ACTL6A: variants seen among roughly 807,000 people sequenced by gnomAD.
ACTL6A encodes actin like 6A.
ACTL6A carries 5 observed loss-of-function variants against 59.2 expected under a neutral mutation model. The observed-to-expected ratio is 0.08, with a 90% CI of 0.04 to 0.18. The LOEUF is 0.18. Among genes scored for constraint, ACTL6A ranks in the 10% least tolerant of loss-of-function variants. The pLI, the probability that ACTL6A is intolerant of heterozygous loss-of-function variation, is 1.00. For synonymous variants in ACTL6A, 154 were observed against 171.8 expected (o/e 0.90, Z 0.81); for missense variants, 285 against 526.9 (o/e 0.54, Z 4.49).
In ACTL6A at chr3:179,563,081, C is replaced by G. The variant is rs1717712646; in HGVS notation, c.-12C>G. 3 of 1,611,384 alleles carry G rather than the reference C, an allele frequency of 1.9e-6. No homozygotes were observed. Among genetic ancestry groups the G allele is most frequent in the East Asian group, 2.2e-5 (1 of 44,838 alleles). On this transcript the variant is annotated 5_prime_UTR_variant, in exon 1 of 14. Coordinates refer to ENST00000429709, the MANE Select transcript of ACTL6A (RefSeq NM_004301.5). The stretch of plus-strand genomic sequence containing the variant: ...GTTAGCCCTTAGGGTAGGAGTCGCG[C>G]CGGCAGCAGCCATGAGCGGCGGCGT...
At chr3:179,564,472 G>A (rs1489619375) in intron 1 of ACTL6A, among the ~76,000 whole-genome samples, 6 of 152,146 alleles carry the variant, frequency 3.9e-5, no homozygotes, top group Non-Finnish European at 7.3e-5. Context: ...TGCATCCTAG[G>A]TTTTAAACAT....
intron 5 of ACTL6A, chr3:179,575,540 T>C (rs932397604): frequency 1.2e-5 from 5 of 433,164 alleles, no homozygotes; most frequent in South Asian, 3.3e-5. Context: ...TCCCTCCTTA[T>C]TAAGCACCAG....
chr3:179,586,726 G>A (rs61086485), intron 13 of ACTL6A, 94 bp downstream of exon 13: 90,203 of 1,055,082 alleles, frequency 0.085, 4,399 homozygotes, highest in South Asian at 0.16. Flanking sequence ...TCATTTGTCT[G>A]TGCATTTTAT....
At chr3:179,566,728 C>T (rs1717847099) in intron 1 of ACTL6A, among the ~76,000 whole-genome samples, 1 of 152,142 alleles carries the variant, frequency 6.6e-6, no homozygotes, top group Non-Finnish European at 1.5e-5. Context: ...CTTGCTCTGT[C>T]ACCCAGGCTG....
rs377337463 is a variant in ACTL6A at position 179,570,048 on chromosome 3, A to G, written c.103-19A>G. 51 of 1,608,250 alleles carry G rather than the reference A, an allele frequency of 3.2e-5. No homozygotes were observed. The African/African-American group carries it at 5.9e-4, about 19-fold the overall frequency. On this transcript the variant is annotated intron_variant, in intron 2 of 13. Coordinates refer to ENST00000429709, the MANE Select transcript of ACTL6A (RefSeq NM_004301.5). The surrounding 1 kb of genome is among the most constrained non-coding windows in gnomAD (Gnocchi z 4.3). ...TGATGAAAGGTGAAACTTGTATGTCATGTTTCTGACTCTTACAGGTGGATT... is the reference window on the plus strand; with the variant it reads ...TGATGAAAGGTGAAACTTGTATGTCGTGTTTCTGACTCTTACAGGTGGATT...
chr3:179,566,292 C>G (rs923089167), intron 1 of ACTL6A, among the ~76,000 whole-genome samples: 2 of 152,098 alleles, frequency 1.3e-5, no homozygotes, highest in East Asian at 3.9e-4. Flanking sequence ...GAAGTTGAAG[C>G]TATAGGAGTA....
intron 8 of ACTL6A, among the ~76,000 whole-genome samples, chr3:179,579,385 T>A (rs887943429): frequency 6.6e-6 from 1 of 152,050 alleles, no homozygotes; most frequent in African/African-American, 2.4e-5. Flanking sequence ...TAAAATTATA[T>A]GAGTCATAAT....
At chr3:179,576,555 G>A (rs972542969) in intron 6 of ACTL6A, 65 bp from the exon 7 acceptor site, 49 of 1,251,662 alleles carry the variant, frequency 3.9e-5, no homozygotes, top group Non-Finnish European at 5.6e-5. Context: ...TACACCCACA[G>A]AGGAAATTCG....
chr3:179,587,927 C>T lies in ACTL6A; in HGVS notation c.1210-3C>T. 1 of 1,594,910 alleles carries T rather than the reference C, an allele frequency of 6.3e-7. No homozygotes were observed. The highest frequency in any genetic ancestry group is 8.5e-7 in the Non-Finnish European group (1 of 1,174,898). ...ATTATATAAATTTCTTTCCATTTTA[C>T]AGGGTACCTTTCAACAGATGTGGAT... On this transcript the variant is annotated splice_polypyrimidine_tract_variant and splice_region_variant and intron_variant, in intron 13 of 13. Coordinates refer to ENST00000429709, the MANE Select transcript of ACTL6A (RefSeq NM_004301.5).
At chr3:179,583,269 G>C in intron 11 of ACTL6A, 84 bp from the exon 12 acceptor site, 1 of 1,050,958 alleles carries the variant, frequency 9.5e-7, no homozygotes, top group African/African-American at 1.6e-5. Flanking sequence ...AATTGTAGTA[G>C]AGCACATGGT....
At chr3:179,581,032 A>G (rs1400075871) in intron 10 of ACTL6A, 24 bp downstream of exon 10, 7 of 1,597,196 alleles carry the variant, frequency 4.4e-6, no homozygotes, top group Non-Finnish European at 6.0e-6. Flanking sequence ...TTTCATAATT[A>G]GCCTGGCTTT....
At chr3:179,573,562 T>A (rs1315552866) in intron 4 of ACTL6A, 93 bp downstream of exon 4, 1 of 888,512 alleles carries the variant, frequency 1.1e-6, no homozygotes, top group Non-Finnish European at 1.7e-6. Flanking sequence ...GATGAACATT[T>A]TTCTTTAAAG....
intron 3 of ACTL6A, among the ~76,000 whole-genome samples, chr3:179,572,218 A>G (rs1480391272): frequency 6.6e-6 from 1 of 152,172 alleles, no homozygotes; most frequent in Non-Finnish European, 1.5e-5. Flanking sequence ...GGAGAAAGAA[A>G]GGGAACAATT....
chr3:179,566,098 G>A (rs1365862373), intron 1 of ACTL6A, among the ~76,000 whole-genome samples: 4 of 152,072 alleles, frequency 2.6e-5, no homozygotes, highest in African/African-American at 7.3e-5. Flanking sequence ...TGGACTGGTG[G>A]TCAGCAATGT....
intron 8 of ACTL6A, among the ~76,000 whole-genome samples, chr3:179,577,382 A>G (rs1718198613): frequency 6.6e-6 from 1 of 152,098 alleles, no homozygotes; most frequent in South Asian, 2.1e-4. Context: ...CCCATGAGAG[A>G]TTCTCTTTAC....
rs1718163601 is a variant in ACTL6A at position 179,576,294 on chromosome 3, G to C, written c.554G>C (p.Gly185Ala). 1 of 1,600,908 alleles carries C rather than the reference G, an allele frequency of 6.2e-7. No homozygotes were observed. The highest frequency in any genetic ancestry group is 1.4e-5 in the African/African-American group (1 of 74,060). The change falls in exon 6 of 14, where the codon GGC becomes GCC. Residue 185 changes from glycine (G) to alanine (A), a missense_variant. Coordinates refer to ENST00000429709, the MANE Select transcript of ACTL6A (RefSeq NM_004301.5). The stretch of plus-strand genomic sequence containing the variant: ...ACCACTGCAATTCCAGTCCACGATG[G>C]CTATGTCCTTCAACAAGGTAAATGT... ...THTTAIPVHD[G>A]YVLQQGIVKS... is the part of the protein sequence containing the mutation.
At position 179,563,026 on chromosome 3, in the gene ACTL6A, G is replaced by C; in HGVS notation, c.-67G>C. On this transcript the variant is annotated 5_prime_UTR_variant, in exon 1 of 14. Coordinates refer to ENST00000429709, the MANE Select transcript of ACTL6A (RefSeq NM_004301.5). ...CAGGGGCTATCGCTCCTCGAGACTC[G>C]CAGTCGCGGCCACTGCAGTCACTTC... The C allele has an allele frequency of 6.3e-7, 1 of 1,588,646 alleles. No individual in the cohort carries two copies. The highest frequency in any genetic ancestry group is 8.6e-7 in the Non-Finnish European group (1 of 1,169,024).
At chr3:179,574,505 T>G (rs1718107520) in intron 5 of ACTL6A, 38 bp downstream of exon 5, 1 of 1,287,910 alleles carries the variant, frequency 7.8e-7, no homozygotes, top group Non-Finnish European at 1.1e-6. Flanking sequence ...TCTTGAAGTA[T>G]GTACGATACT....
chr3:179,580,975 T>G lies in ACTL6A; in HGVS notation c.912T>G (p.Ile304Met), dbSNP rs1718322484. Reference protein sequence around the residue: ...NCDFGAERLKIPEGLFDPSNV... With the variant: ...NCDFGAERLKMPEGLFDPSNV... ...ATTTTGGTGCAGAGCGGCTAAAGAT[T>G]CCAGAAGGATTATTTGACCCTTCCA... is the stretch of plus-strand genomic sequence containing the variant. Residue 304 changes from isoleucine (I) to methionine (M), a missense_variant, in exon 10 of 14, where the codon ATT (isoleucine) becomes ATG (methionine). Ile to Met is a conservative substitution (Grantham distance 10, BLOSUM62 1). Transcript: ENST00000429709. The G allele has an allele frequency of 3.2e-6, 5 of 1,585,918 alleles. No homozygotes were observed. Among genetic ancestry groups the G allele is most frequent in the Admixed American group, 4.1e-5 (2 of 49,244 alleles).
Sources: allele counts gnomAD v4.1 joint callset (sites outside exome capture counted in the v4.1 genomes callset), GRCh38; gene constraint gnomAD v4.1.1; non-coding constraint Gnocchi (gnomAD v3.1); transcripts MANE v1.5; gene names NCBI Gene and HGNC (gene_info 2026-07-23, HGNC 2026-07-21).